Variants in PDE4D observed in about 807,000 individuals in gnomAD.
PDE4D encodes phosphodiesterase 4D, also known as 3',5'-cyclic-AMP phosphodiesterase 4D.
A neutral mutation model predicts 87.4 loss-of-function variants in PDE4D; 24 were observed. The observed-to-expected ratio is 0.27, with a 90% CI of 0.20 to 0.39. The LOEUF (loss-of-function observed/expected upper bound fraction) is 0.39. Ranked by LOEUF, PDE4D falls within the 10% of genes least tolerant of loss-of-function variation. The pLI is 1.00. For synonymous variants in PDE4D, 384 were observed against 383.2 expected (o/e 1.00, Z -0.02); for missense variants, 714 against 1,041.0 (o/e 0.69, Z 4.32).
chr5:59,135,204 G>A lies in PDE4D; in HGVS notation c.808+45391C>T, dbSNP rs903590427. Among the ~76,000 whole-genome samples, 7 of 152,138 alleles carry A rather than the reference G, an allele frequency of 4.6e-5. No homozygotes were observed. The East Asian group carries it at 1.2e-3, about 25-fold the overall frequency. The stretch of plus-strand genomic sequence containing the variant: ...TGGTGGTCTGAGGAGAGTAGATGTG[G>A]TAATCATCCAACTACATTAAGGCAC... On this transcript the variant is annotated intron_variant, in intron 5 of 14. Coordinates refer to ENST00000340635, the MANE Select transcript of PDE4D (RefSeq NM_001104631.2).
At chr5:59,140,252 C>T (rs1305109031) in intron 5 of PDE4D, among the ~76,000 whole-genome samples, 4 of 152,176 alleles carry the variant, frequency 2.6e-5, no homozygotes, top group Admixed American at 1.3e-4. Flanking sequence ...ATTACTATAG[C>T]GAGTCACACT....
chr5:60,425,502 C>A (rs1283080084), intron 1 of PDE4D, among the ~76,000 whole-genome samples: 1 of 152,118 alleles, frequency 6.6e-6, no homozygotes, highest in African/African-American at 2.4e-5. Context: ...GAAACTGGAT[C>A]CCTTCCTTAC....
intron 3 of PDE4D, among the ~76,000 whole-genome samples, chr5:59,976,979 C>T (rs6889660): frequency 0.36 from 55,010 of 151,982 alleles, 11,429 homozygotes; most frequent in East Asian, 0.73. Context: ...CACTGACTGG[C>T]CATTCCCCAA....
intron 1 of PDE4D, among the ~76,000 whole-genome samples, chr5:59,664,376 C>T (rs747465824): frequency 1.1e-4 from 16 of 152,236 alleles, no homozygotes; most frequent in Admixed American, 2.6e-4. Flanking sequence ...TTGACAAACA[C>T]AAATCAGTTA....
intron 5 of PDE4D, among the ~76,000 whole-genome samples, chr5:59,117,313 T>C (rs533074958): frequency 1.3e-5 from 2 of 152,358 alleles, no homozygotes; most frequent in African/African-American, 2.4e-5. Flanking sequence ...AACATTGCTA[T>C]GACCATCTGT....
intron 1 of PDE4D, among the ~76,000 whole-genome samples, chr5:59,507,974 T>A (rs1018032697): frequency 2.0e-5 from 3 of 152,202 alleles, no homozygotes; most frequent in Non-Finnish European, 2.9e-5. Flanking sequence ...TCTTATGGTA[T>A]AATTCAACAA....
At chr5:59,934,543 G>A (rs1396083104) in intron 3 of PDE4D, among the ~76,000 whole-genome samples, 1 of 152,166 alleles carries the variant, frequency 6.6e-6, no homozygotes, top group African/African-American at 2.4e-5. Context: ...GTGTTTGGAG[G>A]AATAATGGAG....
intron 1 of PDE4D, among the ~76,000 whole-genome samples, chr5:59,229,617 G>A (rs1028943301): frequency 3.9e-5 from 6 of 152,010 alleles, no homozygotes; most frequent in Admixed American, 6.5e-5. Flanking sequence ...CTAAAACTAC[G>A]TGCAGCTGCT....
At chr5:59,842,668 T>C (rs1453875090) in intron 1 of PDE4D, among the ~76,000 whole-genome samples, 2 of 152,114 alleles carry the variant, frequency 1.3e-5, no homozygotes, top group South Asian at 2.1e-4. Context: ...TGTCTCATTA[T>C]CTTATAGTCA....
At chr5:59,733,402 C>T (rs140519959) in intron 1 of PDE4D, among the ~76,000 whole-genome samples, 1 of 152,096 alleles carries the variant, frequency 6.6e-6, no homozygotes, top group Non-Finnish European at 1.5e-5. Flanking sequence ...AGAAGTCAGT[C>T]ATGGAGACAG....
intron 2 of PDE4D, among the ~76,000 whole-genome samples, chr5:60,045,395 G>A (rs1769092662): frequency 6.6e-6 from 1 of 152,176 alleles, no homozygotes; most frequent in African/African-American, 2.4e-5. Context: ...TTTTGGCTTT[G>A]GTTGCCATGG....
chr5:59,305,436 T>G (rs1771136395), intron 1 of PDE4D, among the ~76,000 whole-genome samples: 2 of 152,040 alleles, frequency 1.3e-5, no homozygotes, highest in Non-Finnish European at 2.9e-5. Flanking sequence ...TTTCCTTTCT[T>G]CTGCTGGGTT....
intron 1 of PDE4D, among the ~76,000 whole-genome samples, chr5:59,392,696 C>A (rs1788490581): frequency 6.6e-6 from 1 of 152,080 alleles, no homozygotes; most frequent in African/African-American, 2.4e-5. Context: ...ACTGCGCATG[C>A]AGGTGAGGAT....
At chr5:59,592,232 CG>C in intron 1 of PDE4D, 4 of 733,932 alleles carry the variant, frequency 5.5e-6, no homozygotes, top group Non-Finnish European at 6.7e-6. Flanking sequence ...TAACTAATAA[CG>C]ATGTTGATAG....
At chr5:59,117,561 C>G (rs1474983900) in intron 5 of PDE4D, among the ~76,000 whole-genome samples, 2 of 152,194 alleles carry the variant, frequency 1.3e-5, no homozygotes, top group African/African-American at 4.8e-5. Context: ...GGAGCATTTC[C>G]TGGCTAAGCT....
chr5:60,362,938 C>T (rs765674022), intron 1 of PDE4D, among the ~76,000 whole-genome samples: 1 of 151,986 alleles, frequency 6.6e-6, no homozygotes, highest in Non-Finnish European at 1.5e-5. Context: ...CCTTGGTTCC[C>T]AATGAGCCAC....
chr5:60,159,782 T>A (rs557198256), intron 2 of PDE4D, among the ~76,000 whole-genome samples: 2 of 152,356 alleles, frequency 1.3e-5, no homozygotes, highest in African/African-American at 4.8e-5. Flanking sequence ...CTCACCTTCC[T>A]CTTGCATTGA....
chr5:60,028,421 A>C (rs1766875534), intron 2 of PDE4D, among the ~76,000 whole-genome samples: 1 of 152,112 alleles, frequency 6.6e-6, no homozygotes, highest in African/African-American at 2.4e-5. Flanking sequence ...TACAGCCACT[A>C]TCCTGGGTCT....
chr5:59,083,985 G>A (rs1022135707), intron 5 of PDE4D, among the ~76,000 whole-genome samples: 4 of 151,848 alleles, frequency 2.6e-5, no homozygotes, highest in Non-Finnish European at 5.9e-5. Flanking sequence ...ATCTTAATGG[G>A]TTTTTTTGGG....
Sources: allele counts gnomAD v4.1 joint callset (sites outside exome capture counted in the v4.1 genomes callset), GRCh38; gene constraint gnomAD v4.1.1; transcripts MANE v1.5; gene names NCBI Gene and HGNC (gene_info 2026-07-23, HGNC 2026-07-21).